The following TTL variants were observed in gnomAD, a reference collection of about 807,000 sequenced individuals.
TTL encodes the protein tubulin--tyrosine ligase.
In TTL, 10 loss-of-function variants were observed where a neutral mutation model predicts 41.1. The observed-to-expected ratio is 0.24, with a 90% confidence interval of 0.15 to 0.41. The LOEUF is 0.41. Ranked by LOEUF, TTL falls within the 10% of genes least tolerant of loss-of-function variation. TTL has a pLI of 1.00. For synonymous variants in TTL, 175 were observed against 175.5 expected, an observed-to-expected ratio of 1.00 and a Z score of 0.02; for missense variants, 367 against 460.4, an observed-to-expected ratio of 0.80 and a Z score of 1.86.
chr2:112,496,014 CT>C (rs1232032664), intron 3 of TTL, among the ~76,000 whole-genome samples: 1 of 152,206 alleles, frequency 6.6e-6, no homozygotes, highest in Non-Finnish European at 1.5e-5. Flanking sequence ...GAGTTGGACT[CT>C]TGCCACAAGT....
chr2:112,495,601 G>A (rs6542059), intron 3 of TTL, among the ~76,000 whole-genome samples: 62,456 of 151,978 alleles, frequency 0.41, 13,091 homozygotes, highest in East Asian at 0.58. Context: ...TAACCCCATC[G>A]CTTTGGGAAG....
intron 6 of TTL, chr2:112,521,281 T>G (rs1414042337): frequency 1.0e-6 from 1 of 985,234 alleles, no homozygotes; most frequent in African/African-American, 1.7e-5. Context: ...GAACTTCTGC[T>G]TCTCTCGGGA....
intron 5 of TTL, among the ~76,000 whole-genome samples, chr2:112,518,509 A>G (rs111590923): frequency 6.6e-6 from 1 of 152,054 alleles, no homozygotes; most frequent in African/African-American, 2.4e-5. Flanking sequence ...GAAAAAAGAA[A>G]AGGAGATTGA....
At chr2:112,496,709 A>ATT (rs1311299876) in intron 3 of TTL, among the ~76,000 whole-genome samples, 1 of 57,198 alleles carries the variant, frequency 1.7e-5, no homozygotes, top group Non-Finnish European at 3.5e-5. Context: ...GTGTGTGTGT[A>ATT]TTTTTTTTTT....
At position 112,482,509 on chromosome 2, in the gene TTL, C is replaced by T; in HGVS notation, c.157+8C>T. The T allele has an allele frequency of 6.3e-7, 1 of 1,598,716 alleles. No homozygotes were observed. Among genetic ancestry groups the T allele is most frequent in the African/African-American group, 1.4e-5 (1 of 74,014 alleles). On this transcript the variant is annotated splice_region_variant and intron_variant, in intron 1 of 6. Coordinates refer to ENST00000233336, the MANE Select transcript of TTL (RefSeq NM_153712.5). This position sits in a 1 kb window ranked among gnomAD's most constrained non-coding sequence, Gnocchi z 5.3. ...TGCCCTTCGGGAGACTGGGTGAGCC[C>T]CTCCCCGATTCCCGTCTGCCCTCCT...
At chr2:112,493,809 G>A (rs1328187883) in intron 2 of TTL, among the ~76,000 whole-genome samples, 1 of 152,106 alleles carries the variant, frequency 6.6e-6, no homozygotes, top group African/African-American at 2.4e-5. Flanking sequence ...TTTAGTATGG[G>A]TATGGTTCAA....
intron 3 of TTL, among the ~76,000 whole-genome samples, chr2:112,500,444 G>A (rs1208520268): frequency 4.0e-5 from 6 of 151,804 alleles, no homozygotes; most frequent in African/African-American, 9.7e-5. Flanking sequence ...GGTGGTGCAC[G>A]CCTGTAATCC....
chr2:112,492,035 T>G (rs1681401736), intron 2 of TTL, among the ~76,000 whole-genome samples: 1 of 152,202 alleles, frequency 6.6e-6, no homozygotes, highest in Non-Finnish European at 1.5e-5. Context: ...TATTTGTAGC[T>G]AGCACTGTAA....
At chr2:112,488,930 T>C (rs1299350788) in intron 2 of TTL, among the ~76,000 whole-genome samples, 4 of 151,396 alleles carry the variant, frequency 2.6e-5, no homozygotes, top group Admixed American at 2.6e-4. Flanking sequence ...CTATTAAAAA[T>C]ATAAAAATTA....
Position 112,537,838 on chromosome 2 carries a change from A to T in TTL, c.*9043A>T, listed in dbSNP as rs1345053849. 1 of 152,252 alleles carries T rather than the reference A, an allele frequency of 6.6e-6. No homozygotes were observed. The highest frequency in any genetic ancestry group is 1.5e-5 in the Non-Finnish European group (1 of 68,044). 9.4% of individuals were successfully genotyped at this position (152,252 alleles called of 1,614,324 possible). The stretch of plus-strand genomic sequence containing the variant: ...AGAGCAACTAGGCAGAAGATCAACA[A>T]GAAAATAGAAAACACTATAAACCAA... On this transcript the variant is annotated 3_prime_UTR_variant, in exon 7 of 7. Coordinates refer to ENST00000233336, the MANE Select transcript of TTL (RefSeq NM_153712.5).
chr2:112,510,507 T>C (rs138693469), intron 5 of TTL, among the ~76,000 whole-genome samples: 6,367 of 152,146 alleles, frequency 0.042, 465 homozygotes, highest in African/African-American at 0.15. Context: ...ATTTTGTTCT[T>C]ATTGCCCAGG....
intron 6 of TTL, among the ~76,000 whole-genome samples, chr2:112,524,226 G>A (rs950732293): frequency 1.3e-5 from 2 of 152,120 alleles, no homozygotes; most frequent in African/African-American, 2.4e-5. Flanking sequence ...CCAAGTCTTT[G>A]CTATTGTGAA....
rs1316227321 is a variant in TTL, at chr2:112,537,786, C to T, written c.*8991C>T. On this transcript the variant is annotated 3_prime_UTR_variant, in exon 7 of 7. Transcript: ENST00000233336. ...ACAATTTAACTACAATAGTTGGAAC[C>T]CTCAAAACTCCATTTCAATAATAGC... 2.0e-5 allele frequency: 3 copies of T among 152,008 alleles called. No individual in the cohort carries two copies. The highest frequency in any genetic ancestry group is 2.9e-5 in the Non-Finnish European group (2 of 68,006). The allele number at this position is 152,008 out of a possible 1,614,324, so 9.4% of individuals were successfully genotyped here.
chr2:112,496,327 G>A (rs1170423846), intron 3 of TTL, among the ~76,000 whole-genome samples: 1 of 152,166 alleles, frequency 6.6e-6, no homozygotes, highest in Admixed American at 6.5e-5. Context: ...ATTATGTTTG[G>A]AAACCATAAA....
At chr2:112,508,888 G>A (rs1204980260) in intron 5 of TTL, among the ~76,000 whole-genome samples, 1 of 8,190 alleles carries the variant, frequency 1.2e-4, no homozygotes, top group Non-Finnish European at 2.1e-4. Flanking sequence ...GAGGAGAGGC[G>A]CTCTGCGTTT....
chr2:112,492,197 TACA>T (rs974116738), intron 2 of TTL, among the ~76,000 whole-genome samples: 1 of 152,254 alleles, frequency 6.6e-6, no homozygotes, highest in African/African-American at 2.4e-5. Flanking sequence ...CATGCTGCGA[TACA>T]ACAAGAAAGT....
At position 112,533,754 on chromosome 2, in the gene TTL, T is replaced by TAAGAGA. The variant is rs1682551235; in HGVS notation, c.*4959_*4960insAAGAGA. ...CTCTCGTGACCTAACCTCTTACAGGTCCCACCTCTCAACACTATTGCAGTA... is the reference window on the plus strand; with the variant it reads ...CTCTCGTGACCTAACCTCTTACAGGTAAGAGACCCACCTCTCAACACTATTGCAGTA... On this transcript the variant is annotated 3_prime_UTR_variant, in exon 7 of 7. Coordinates refer to ENST00000233336, the MANE Select transcript of TTL (RefSeq NM_153712.5). 1 of 152,106 alleles carries TAAGAGA rather than the reference T, an allele frequency of 6.6e-6. No individual in the cohort carries two copies. Among genetic ancestry groups the TAAGAGA allele is most frequent in the Admixed American group, 6.6e-5 (1 of 15,266 alleles). 9.4% of individuals were successfully genotyped at this position (152,106 alleles called of 1,614,324 possible).
At chr2:112,496,757 G>T (rs1431923551) in intron 3 of TTL, among the ~76,000 whole-genome samples, 9 of 144,610 alleles carry the variant, frequency 6.2e-5, no homozygotes, top group Non-Finnish European at 1.1e-4. Context: ...GCCCAGGCTG[G>T]AGTGAGATGG....
chr2:112,511,900 A>G (rs1051079252), intron 5 of TTL, among the ~76,000 whole-genome samples: 2 of 151,866 alleles, frequency 1.3e-5, no homozygotes, highest in African/African-American at 2.4e-5. Context: ...TCTAATTTTT[A>G]TATAACCAAT....
Sources: gnomAD v4.1 joint callset for allele counts (sites outside exome capture counted in the v4.1 genomes callset) on GRCh38, gnomAD v4.1.1 for gene constraint, Gnocchi (gnomAD v3.1) non-coding constraint, MANE v1.5 for transcripts, NCBI Gene and HGNC (gene_info 2026-07-23, HGNC 2026-07-21) for gene names.